INPP4B: variants seen among roughly 807,000 people sequenced by gnomAD.
INPP4B encodes inositol polyphosphate-4-phosphatase type II B.
In INPP4B, 55 loss-of-function variants were observed where a neutral mutation model predicts 122.5. The observed-to-expected ratio is 0.45, with a 90% CI of 0.36 to 0.56. The LOEUF (loss-of-function observed/expected upper bound fraction) is 0.56. Among genes scored for constraint, INPP4B ranks in the 20% least tolerant of loss-of-function variants. The probability of loss-of-function intolerance (pLI) is 0.00; values close to 1 mark genes in which losing one functional copy is unlikely to be tolerated. For missense variants in INPP4B, 1,000 were observed against 1,097.7 expected (o/e 0.91, Z 1.26); for synonymous variants, 403 against 388.7 (o/e 1.04, Z -0.43).
At chr4:142,358,823 A>G (rs988782912) in intron 7 of INPP4B, among the ~76,000 whole-genome samples, 1 of 151,922 alleles carries the variant, frequency 6.6e-6, no homozygotes, top group Non-Finnish European at 1.5e-5. Flanking sequence ...GGGAAGCTGT[A>G]TGCTTAACAA....
intron 12 of INPP4B, among the ~76,000 whole-genome samples, chr4:142,237,617 AG>A (rs1379643567): frequency 1.3e-5 from 2 of 152,116 alleles, no homozygotes; most frequent in South Asian, 2.1e-4. Flanking sequence ...TGGCCACCAT[AG>A]GGGACAGTTC....
chr4:142,585,782 G>A (rs532145399), intron 2 of INPP4B, among the ~76,000 whole-genome samples: 37 of 151,856 alleles, frequency 2.4e-4, no homozygotes, highest in Admixed American at 2.2e-3. Flanking sequence ...GAGTTAGGAG[G>A]TAGAGAGTAT....
chr4:142,114,847 C>T (rs548330443), intron 21 of INPP4B, among the ~76,000 whole-genome samples: 10 of 151,642 alleles, frequency 6.6e-5, no homozygotes, highest in East Asian at 3.9e-4. Flanking sequence ...TTACCTAAAC[C>T]GGTAATAACT....
Position 142,558,793 on chromosome 4 carries a change from T to TAAAAAAAA in INPP4B, c.-190-96075_-190-96068dup, listed in dbSNP as rs34151070. ...CTGGGCGACAGAGCAAGACTCCCTC[T>TAAAAAAAA]AAAAAAAAAAAAAAAAAAAAAAAAA... On this transcript the variant is annotated intron_variant, in intron 2 of 25. Coordinates refer to ENST00000262992, the MANE Select transcript of INPP4B (RefSeq NM_001101669.3). Among the ~76,000 whole-genome samples the TAAAAAAAA allele has an allele frequency of 1.3e-3, 96 of 75,540 alleles. 1 individual carries two copies. The highest frequency in any genetic ancestry group is 1.5e-3 in the Admixed American group (10 of 6,598). The allele number at this position is 75,540 out of a possible 152,430, so 49.6% of individuals were successfully genotyped here. A position where few individuals can be genotyped will look rare whatever the true frequency, so the allele number is the denominator to read the frequency against.
rs556124510 is a variant in INPP4B at position 142,173,322 on chromosome 4, C to A, written c.1359+310G>T. On this transcript the variant is annotated intron_variant, in intron 16 of 25. Coordinates refer to ENST00000262992, the MANE Select transcript of INPP4B (RefSeq NM_001101669.3). ...AGGAAAATAAAGTAATTTTCAAAAT[C>A]TAATTTAATTCACTTAATAAGACCA... Among the ~76,000 whole-genome samples, 402 of 151,202 alleles carry A rather than the reference C, an allele frequency of 2.7e-3. 2 individuals are homozygous for A. Among genetic ancestry groups the A allele is most frequent in the Non-Finnish European group, 4.9e-3 (333 of 67,808 alleles).
At chr4:142,559,278 G>A (rs1332569566) in intron 2 of INPP4B, among the ~76,000 whole-genome samples, 1 of 152,208 alleles carries the variant, frequency 6.6e-6, no homozygotes, top group Non-Finnish European at 1.5e-5. Context: ...AACCTAAGAT[G>A]TCAGAGAGTG....
intron 2 of INPP4B, among the ~76,000 whole-genome samples, chr4:142,489,938 T>G (rs1821669455): frequency 6.6e-6 from 1 of 152,210 alleles, no homozygotes; most frequent in Non-Finnish European, 1.5e-5. Context: ...TAAATCAACT[T>G]TCTAATGATT....
intron 7 of INPP4B, among the ~76,000 whole-genome samples, chr4:142,391,602 A>G (rs942368284): frequency 3.9e-5 from 6 of 151,996 alleles, no homozygotes; most frequent in African/African-American, 1.4e-4. Context: ...AAACAAAAAC[A>G]AACAAACAAA....
At chr4:142,807,264 C>T (rs1778980157) in intron 1 of INPP4B, among the ~76,000 whole-genome samples, 1 of 152,102 alleles carries the variant, frequency 6.6e-6, no homozygotes, top group Admixed American at 6.5e-5. Flanking sequence ...CAAGAAAATT[C>T]CCCAAAGAGG....
At chr4:142,585,258 T>C (rs1350673757) in intron 2 of INPP4B, among the ~76,000 whole-genome samples, 6 of 152,188 alleles carry the variant, frequency 3.9e-5, no homozygotes, top group East Asian at 1.9e-4. Context: ...GAAAACAAGA[T>C]CTTTGTTTTG....
chr4:142,041,158 T>G (rs1018613811), intron 25 of INPP4B, among the ~76,000 whole-genome samples: 6 of 151,894 alleles, frequency 4.0e-5, no homozygotes, highest in African/African-American at 7.3e-5. Flanking sequence ...AGGATATGAG[T>G]AACACGAAAA....
chr4:142,245,835 CATAT>C (rs562917670), intron 11 of INPP4B, among the ~76,000 whole-genome samples: 1 of 101,096 alleles, frequency 9.9e-6, no homozygotes, highest in Non-Finnish European at 2.0e-5. Context: ...TGTATGTATA[CATAT>C]ATATGTGTAT....
chr4:142,545,782 C>T (rs1033768878), intron 2 of INPP4B, among the ~76,000 whole-genome samples: 3 of 128,794 alleles, frequency 2.3e-5, no homozygotes, highest in East Asian at 2.4e-4. Flanking sequence ...TATATATACA[C>T]ATATATATGT....
At chr4:142,335,108 GA>G (rs36074851) in intron 7 of INPP4B, among the ~76,000 whole-genome samples, 18,942 of 65,608 alleles carry the variant, frequency 0.29, 968 homozygotes, top group South Asian at 0.41. Context: ...TGGGAAAAAT[GA>G]AAAAAAAAAA....
At chr4:142,653,601 CAACA>C (rs1237310845) in intron 2 of INPP4B, among the ~76,000 whole-genome samples, 1 of 152,118 alleles carries the variant, frequency 6.6e-6, no homozygotes, top group African/African-American at 2.4e-5. Context: ...TTCATGCAGC[CAACA>C]GACACATGAA....
chr4:142,127,236 C>G (rs890555019), intron 18 of INPP4B, among the ~76,000 whole-genome samples: 13 of 152,126 alleles, frequency 8.5e-5, no homozygotes, highest in Non-Finnish European at 7.4e-5. Context: ...CTGGTCAATA[C>G]TTTATATGAT....
chr4:142,286,192 T>C (rs977101305), intron 9 of INPP4B, among the ~76,000 whole-genome samples: 1 of 152,234 alleles, frequency 6.6e-6, no homozygotes, highest in Admixed American at 6.5e-5. Context: ...AAATCAAATG[T>C]CCTGCATCCA....
chr4:142,245,770 G>GTA lies in INPP4B; in HGVS notation c.689-7760_689-7759insTA, dbSNP rs755214669. Among the ~76,000 whole-genome samples the GTA allele has an allele frequency of 3.2e-3, 444 of 140,644 alleles. 14 individuals carry two copies. The highest frequency in any genetic ancestry group is 0.02 in the East Asian group (99 of 4,918). 92.3% of individuals were successfully genotyped at this position (140,644 alleles called of 152,430 possible). A position where few individuals can be genotyped will look rare whatever the true frequency, so the allele number is the denominator to read the frequency against. ...ATTCTGTTCATATATATGTATATGT[G>GTA]TGTATATATATATGTGTGTATGTAT... On this transcript the variant is annotated intron_variant, in intron 11 of 25. Transcript: ENST00000262992.
chr4:142,072,650 G>A (rs1045653972), intron 25 of INPP4B, among the ~76,000 whole-genome samples: 2 of 150,694 alleles, frequency 1.3e-5, no homozygotes, highest in Admixed American at 1.3e-4. Flanking sequence ...AACCAATAAT[G>A]ACAGTAATAA....
Sources: gnomAD v4.1 joint callset for allele counts (sites outside exome capture counted in the v4.1 genomes callset) on GRCh38, gnomAD v4.1.1 for gene constraint, MANE v1.5 for transcripts, NCBI Gene and HGNC (gene_info 2026-07-23, HGNC 2026-07-21) for gene names.